The following LAMA1 variants were observed in gnomAD, a reference collection of about 807,000 sequenced individuals.
LAMA1 encodes the protein laminin subunit alpha-1.
Under a neutral mutation model 348.7 loss-of-function variants are expected in LAMA1, and 219 were observed. The observed-to-expected ratio is 0.63, with a 90% CI of 0.56 to 0.70. The LOEUF (loss-of-function observed/expected upper bound fraction) is 0.70. LAMA1 is among the 30% of genes least tolerant of loss of function. The pLI is 0.00. For missense variants in LAMA1, 3,744 were observed against 3,888.0 expected, an observed-to-expected ratio of 0.96 and a Z score of 0.99; for synonymous variants, 1,487 against 1,491.0, an observed-to-expected ratio of 1.00 and a Z score of 0.06.
chr18:7,107,795 A>G (rs1385209804), intron 1 of LAMA1, among the ~76,000 whole-genome samples: 1 of 151,998 alleles, frequency 6.6e-6, no homozygotes, highest in Admixed American at 6.6e-5. Flanking sequence ...CGGGCAGATC[A>G]CGAGGTCAGG....
At chr18:7,079,577 A>C (rs2058184471) in intron 3 of LAMA1, 1 of 316,572 alleles carries the variant, frequency 3.2e-6, no homozygotes, top group African/African-American at 2.2e-5. Flanking sequence ...TATAATCCTT[A>C]TACAATAACT....
At chr18:6,962,402 A>T (rs2057612423) in intron 51 of LAMA1, among the ~76,000 whole-genome samples, 1 of 123,402 alleles carries the variant, frequency 8.1e-6, no homozygotes, top group South Asian at 3.0e-4. Context: ...ACAGAGCAAG[A>T]TCCTGCCCCC....
rs753037164 is a variant in LAMA1, at chr18:6,966,230, G to C, written c.6967C>G (p.Pro2323Ala). Reference protein sequence around the residue: ...SGYSVVEKSLPATVTQIIMLF... With the variant: ...SGYSVVEKSLAATVTQIIMLF... ...ATGATTATCTGGGTCACGGTAGCCG[G>C]AAGTGACTTCTCCACGACAGAGTAC... The change falls in exon 49 of 63, where the codon CCG (proline) becomes GCG (alanine). Residue 2323 changes from proline (P) to alanine (A), a missense_variant. Pro to Ala is a conservative substitution (Grantham distance 27). Around this residue, in one of 3 missense-constraint regions of LAMA1, gnomAD observed 1,983 missense variants for 1,934.3 expected, o/e 1.03. Transcript: ENST00000389658. 1 of 1,613,998 alleles carries C rather than the reference G, an allele frequency of 6.2e-7. No homozygotes were observed. Among genetic ancestry groups the C allele is most frequent in the South Asian group, 1.1e-5 (1 of 91,010 alleles).
intron 53 of LAMA1, chr18:6,959,908 A>C (rs1427783326): frequency 7.8e-6 from 2 of 256,420 alleles, no homozygotes; most frequent in South Asian, 4.6e-5. Flanking sequence ...AGAATTAAAC[A>C]TTTGAAGGAT....
intron 1 of LAMA1, among the ~76,000 whole-genome samples, chr18:7,115,927 C>A (rs1033896784): frequency 6.6e-6 from 1 of 151,360 alleles, no homozygotes; most frequent in African/African-American, 2.4e-5. Context: ...CGCAGTGAGC[C>A]GAGATGGTGC....
chr18:6,998,471 C>G (rs2057792781), intron 32 of LAMA1, among the ~76,000 whole-genome samples: 1 of 152,102 alleles, frequency 6.6e-6, no homozygotes, highest in Admixed American at 6.5e-5. Context: ...GCACTGAATC[C>G]CAGCATTCCC....
chr18:7,034,289 G>A (rs997705491), intron 14 of LAMA1, among the ~76,000 whole-genome samples, 190 bp downstream of exon 14: 1 of 152,044 alleles, frequency 6.6e-6, no homozygotes, highest in African/African-American at 2.4e-5. Context: ...CACTTGATGT[G>A]GATAACTGTT....
At chr18:7,061,381 T>C (rs2058101420) in intron 3 of LAMA1, among the ~76,000 whole-genome samples, 1 of 152,200 alleles carries the variant, frequency 6.6e-6, no homozygotes, top group Non-Finnish European at 1.5e-5. Context: ...GTGAGGATCT[T>C]CATTTCTTTT....
At chr18:7,032,221 C>T (rs753969016) in intron 15 of LAMA1, 45 bp from the exon 16 acceptor site, 27 of 1,294,920 alleles carry the variant, frequency 2.1e-5, no homozygotes, top group African/African-American at 1.3e-4. Context: ...ACGTTACAAA[C>T]AGAAACTGCT....
chr18:6,993,799 G>T, intron 34 of LAMA1, 47 bp from the exon 35 acceptor site: 1 of 1,079,256 alleles, frequency 9.3e-7, no homozygotes, highest in Non-Finnish European at 1.4e-6. Context: ...TAAGTAATTA[G>T]TTTGACTTTA....
intron 3 of LAMA1, among the ~76,000 whole-genome samples, chr18:7,066,517 C>T (rs544446943): frequency 3.9e-5 from 6 of 152,176 alleles, no homozygotes; most frequent in Admixed American, 6.5e-5. Flanking sequence ...ATGTCACCAC[C>T]GTGTTATAGC....
chr18:7,116,745 T>C (rs964851640), intron 1 of LAMA1, among the ~76,000 whole-genome samples: 9 of 152,370 alleles, frequency 5.9e-5, no homozygotes, highest in Admixed American at 3.3e-4. Context: ...CGTGGGTGAC[T>C]AGGGTTGTCC....
chr18:7,053,156 A>G (rs546258773), intron 3 of LAMA1, among the ~76,000 whole-genome samples: 1 of 152,234 alleles, frequency 6.6e-6, no homozygotes, highest in Non-Finnish European at 1.5e-5. Flanking sequence ...CAGCAAAAAG[A>G]TCAGTGGCTG....
chr18:7,042,100 A>G (rs9946620), intron 9 of LAMA1, 45 bp downstream of exon 9: 229,584 of 1,310,016 alleles, frequency 0.18, 21,659 homozygotes, highest in African/African-American at 0.27. Flanking sequence ...TCTTCCACAC[A>G]CACACAAAAT....
At chr18:7,026,230 C>CATATAGCTCAGAGGT in intron 16 of LAMA1, 124 bp from the exon 17 acceptor site, 1 of 1,176,586 alleles carries the variant, frequency 8.5e-7, no homozygotes, top group East Asian at 2.5e-5. Context: ...TCACCAACCT[C>CATATAGCTCAGAGGT]TGAGCTATAT....
In LAMA1 at chr18:7,042,190, T is replaced by C; in HGVS notation, c.1216A>G (p.Ser406Gly). Residue 406 changes from serine to glycine, a missense_variant, in exon 9 of 63, where the codon AGT (serine) becomes GGT (glycine). By Grantham distance (56) the Ser-to-Gly change is moderately conservative (BLOSUM62 0). Around this residue, in one of 3 missense-constraint regions of LAMA1, gnomAD observed 1,529 missense variants for 1,689.4 expected, o/e 0.91. Coordinates refer to ENST00000389658, the MANE Select transcript of LAMA1 (RefSeq NM_005559.4). ...PCNCDPVGSL[S>G]SVCIKDDLHS... Reference sequence around the variant, plus strand: ...AGGTCATCCTTAATACAGACAGAACTGAGGGACCCCACAGGGTCACAATTA... The same window carrying C: ...AGGTCATCCTTAATACAGACAGAACCGAGGGACCCCACAGGGTCACAATTA... 1.2e-6 allele frequency: 2 copies of C among 1,612,954 alleles called. No homozygotes were observed. The highest frequency in any genetic ancestry group is 1.6e-4 in the Middle Eastern group (1 of 6,062).
At position 7,036,080 on chromosome 18, in the gene LAMA1, C is replaced by T. The variant is rs368609998; in HGVS notation, c.1746G>A (p.Ala582=). The change falls in exon 13 of 63, where the codon GCG becomes GCA. Residue 582 remains alanine, a synonymous_variant. Coordinates refer to ENST00000389658, the MANE Select transcript of LAMA1 (RefSeq NM_005559.4). ...CCGTGTATTTCAGGAATCCGCCAAACGCAGTCAGCTGAAATGTTTAAGCGA... is the reference window on the plus strand; with the variant it reads ...CCGTGTATTTCAGGAATCCGCCAAATGCAGTCAGCTGAAATGTTTAAGCGA... ...PEAYLGNKLT[A]FGGFLKYTVS... 41 of 1,613,204 alleles carry T rather than the reference C, an allele frequency of 2.5e-5. No homozygotes were observed. Among genetic ancestry groups the T allele is most frequent in the Middle Eastern group, 1.7e-4 (1 of 6,060 alleles).
intron 6 of LAMA1, 134 bp downstream of exon 6, chr18:7,046,144 T>G (rs2058041117): frequency 1.6e-6 from 1 of 621,676 alleles, no homozygotes. Flanking sequence ...CAAGTTAAAT[T>G]TCTGAAAATC....
intron 1 of LAMA1, among the ~76,000 whole-genome samples, chr18:7,107,894 G>C (rs963090901): frequency 6.6e-6 from 1 of 151,850 alleles, no homozygotes; most frequent in Non-Finnish European, 1.5e-5. Flanking sequence ...GGTGCCTGTA[G>C]TCCCAGCTAC....
Sources: gnomAD v4.1 joint callset for allele counts (sites outside exome capture counted in the v4.1 genomes callset) on GRCh38, gnomAD v4.1.1 for gene constraint, gnomAD v4.1.1 regional missense constraint, MANE v1.5 for transcripts, NCBI Gene and HGNC (gene_info 2026-07-23, HGNC 2026-07-21) for gene names.